The following CDK14 variants were observed in gnomAD, a reference collection of about 807,000 sequenced individuals.
CDK14 encodes cyclin dependent kinase 14, also known as cyclin-dependent kinase 14.
In CDK14, 34 loss-of-function variants were observed where a neutral mutation model predicts 60.7. That is an observed-to-expected ratio of 0.56 (90% CI 0.43 to 0.75). The LOEUF is 0.75. CDK14 is among the 30% of genes least tolerant of loss of function. CDK14 has a pLI of 0.00. For missense variants in CDK14, 482 were observed against 564.1 expected (o/e 0.85, Z 1.47); for synonymous variants, 197 against 203.7 (o/e 0.97, Z 0.28).
At chr7:90,786,391 G>A (rs759607122) in intron 4 of CDK14, among the ~76,000 whole-genome samples, 5 of 152,050 alleles carry the variant, frequency 3.3e-5, no homozygotes, top group Admixed American at 6.6e-5. Context: ...TCTGTAAACA[G>A]CTCTAATTTA....
chr7:90,772,282 A>T (rs1349316345), intron 4 of CDK14, among the ~76,000 whole-genome samples: 1 of 152,184 alleles, frequency 6.6e-6, no homozygotes, highest in Non-Finnish European at 1.5e-5. Flanking sequence ...AGCTAGCAAG[A>T]TTGCTTTCAC....
chr7:91,158,983 G>A (rs1233571387), intron 14 of CDK14, among the ~76,000 whole-genome samples: 1 of 152,200 alleles, frequency 6.6e-6, no homozygotes, highest in African/African-American at 2.4e-5. Context: ...GCCAACAAAT[G>A]TGATATGTTG....
intron 10 of CDK14, among the ~76,000 whole-genome samples, chr7:91,007,588 C>T (rs1334328390): frequency 6.6e-6 from 1 of 152,252 alleles, no homozygotes; most frequent in East Asian, 1.9e-4. Flanking sequence ...CCAAGCAAAT[C>T]CACCCCAGCT....
intron 2 of CDK14, among the ~76,000 whole-genome samples, chr7:90,615,159 T>G (rs1243350952): frequency 6.6e-6 from 1 of 152,228 alleles, no homozygotes; most frequent in East Asian, 1.9e-4. Context: ...TTATGACCCA[T>G]GTAGTTATAA....
At chr7:90,764,552 T>A (rs1804471840) in intron 4 of CDK14, among the ~76,000 whole-genome samples, 2 of 152,152 alleles carry the variant, frequency 1.3e-5, no homozygotes, top group Non-Finnish European at 2.9e-5. Context: ...AAATCTAGGA[T>A]TGCAATTTGC....
intron 4 of CDK14, among the ~76,000 whole-genome samples, chr7:90,769,633 A>T (rs1804706496): frequency 6.6e-6 from 1 of 151,862 alleles, no homozygotes; most frequent in Non-Finnish European, 1.5e-5. Flanking sequence ...CACCTAGCTA[A>T]TTTTTGTATT....
intron 2 of CDK14, among the ~76,000 whole-genome samples, chr7:90,633,786 A>G (rs1392563626): frequency 6.6e-6 from 1 of 151,786 alleles, no homozygotes; most frequent in Non-Finnish European, 1.5e-5. Flanking sequence ...TAAATCATGC[A>G]TTTGTATTAA....
intron 14 of CDK14, among the ~76,000 whole-genome samples, chr7:91,132,210 G>T (rs1800139767): frequency 6.6e-6 from 1 of 152,138 alleles, no homozygotes; most frequent in African/African-American, 2.4e-5. Context: ...TGCTCGAGGA[G>T]ATAGCAGAAG....
At chr7:90,921,544 C>G (rs1446996503) in intron 8 of CDK14, among the ~76,000 whole-genome samples, 1 of 152,052 alleles carries the variant, frequency 6.6e-6, no homozygotes, top group African/African-American at 2.4e-5. Flanking sequence ...GTTGTTTGCA[C>G]TATCTCTAGA....
At chr7:91,040,361 T>C (rs1238989533) in intron 10 of CDK14, among the ~76,000 whole-genome samples, 1 of 152,182 alleles carries the variant, frequency 6.6e-6, no homozygotes, top group East Asian at 1.9e-4. Context: ...ATATTGCAGC[T>C]GAGTTCTGCT....
At chr7:91,123,223 T>A (rs1799837004) in intron 14 of CDK14, among the ~76,000 whole-genome samples, 1 of 152,182 alleles carries the variant, frequency 6.6e-6, no homozygotes, top group Non-Finnish European at 1.5e-5. Flanking sequence ...TTTCAATATA[T>A]AAGAAACACA....
At chr7:90,825,191 C>A (rs1212644783) in intron 5 of CDK14, among the ~76,000 whole-genome samples, 2 of 152,198 alleles carry the variant, frequency 1.3e-5, no homozygotes, top group African/African-American at 2.4e-5. Flanking sequence ...CACAATGAAG[C>A]TGGGAGATGG....
intron 6 of CDK14, among the ~76,000 whole-genome samples, chr7:90,874,483 G>GAATCTC: frequency 7.5e-6 from 1 of 132,826 alleles, no homozygotes; most frequent in Admixed American, 7.9e-5. Flanking sequence ...TTTCAATCTG[G>GAATCTC]AATCTCATGT....
intron 2 of CDK14, among the ~76,000 whole-genome samples, chr7:90,610,448 C>T (rs1034591818): frequency 6.6e-6 from 1 of 152,188 alleles, no homozygotes; most frequent in African/African-American, 2.4e-5. Flanking sequence ...CCCCCTAAGC[C>T]TTCTTGCGAC....
chr7:90,963,172 C>G (rs2041350), intron 9 of CDK14, among the ~76,000 whole-genome samples: 112,392 of 150,430 alleles, frequency 0.75, 42,085 homozygotes, highest in East Asian at 0.78. Context: ...CACCTGTAAT[C>G]CCAGCACTTT....
chr7:90,763,918 T>C (rs918684838), intron 4 of CDK14, among the ~76,000 whole-genome samples: 7 of 152,212 alleles, frequency 4.6e-5, no homozygotes, highest in African/African-American at 1.7e-4. Context: ...ATTTTCATGA[T>C]TATTAATAGT....
intron 11 of CDK14, among the ~76,000 whole-genome samples, chr7:91,076,670 AGCTTCT>A (rs1798328922): frequency 6.6e-6 from 1 of 152,242 alleles, no homozygotes; most frequent in South Asian, 2.1e-4. Flanking sequence ...TAAACTAAAG[AGCTTCT>A]GCACAGCAAA....
chr7:90,596,588 G>C lies in CDK14; in HGVS notation c.-40G>C, dbSNP rs760532884. 1.3e-6 allele frequency: 2 copies of C among 1,565,850 alleles called. No individual in the cohort carries two copies. Among genetic ancestry groups the C allele is most frequent in the Admixed American group, 1.7e-5 (1 of 59,632 alleles). Reference sequence around the variant, plus strand: ...CTCGCCGTTGTCTGAGCTGTGCCTGGACCAGTTTGGGGAAGTTGTCGGGGC... The same window carrying C: ...CTCGCCGTTGTCTGAGCTGTGCCTGCACCAGTTTGGGGAAGTTGTCGGGGC... On this transcript the variant is annotated 5_prime_UTR_variant, in exon 1 of 15. Coordinates refer to ENST00000380050, the MANE Select transcript of CDK14 (RefSeq NM_001287135.2).
intron 5 of CDK14, among the ~76,000 whole-genome samples, chr7:90,849,888 A>G (rs946461661): frequency 6.6e-6 from 1 of 152,000 alleles, no homozygotes; most frequent in African/African-American, 2.4e-5. Context: ...AACTTATCTC[A>G]TGCTGAATAA....
Sources: gnomAD v4.1 joint callset for allele counts (sites outside exome capture counted in the v4.1 genomes callset) on GRCh38, gnomAD v4.1.1 for gene constraint, MANE v1.5 for transcripts, NCBI Gene and HGNC (gene_info 2026-07-23, HGNC 2026-07-21) for gene names.